The following COMMD1 variants were observed in gnomAD, a reference collection of about 807,000 sequenced individuals.
The protein encoded by COMMD1 is COMM domain-containing protein 1.
Under a neutral mutation model 17.2 loss-of-function variants are expected in COMMD1, and 10 were observed. That is an observed-to-expected ratio of 0.58 (90% CI 0.36 to 0.99). COMMD1 has a LOEUF of 0.99. Ranked by LOEUF, COMMD1 falls within the 50% of genes least tolerant of loss-of-function variation. The pLI is 0.01. For missense variants in COMMD1, 270 were observed against 231.8 expected (o/e 1.17, Z -1.07); for synonymous variants, 97 against 91.6 (o/e 1.06, Z -0.34).
chr2:62,000,898 T>C lies in COMMD1; in HGVS notation c.378T>C (p.Val126=). Residue 126 remains valine, a synonymous_variant, in exon 2 of 3, where the codon GTT becomes GTC. Coordinates refer to ENST00000311832, the MANE Select transcript of COMMD1 (RefSeq NM_152516.4). ...GGCTTCGGGGCCTGAGCTGGAGAGT[T>C]GATGGCAAGTCTCAGTCAAGGCACT... ...NSGLRGLSWR[V]DGKSQSRHSA... 1 of 1,614,156 alleles carries C rather than the reference T, an allele frequency of 6.2e-7. No homozygotes were observed. The highest frequency in any genetic ancestry group is 8.5e-7 in the Non-Finnish European group (1 of 1,180,010).
At chr2:62,071,473 C>A (rs549650421) in intron 2 of COMMD1, among the ~76,000 whole-genome samples, 1 of 152,106 alleles carries the variant, frequency 6.6e-6, no homozygotes, top group Non-Finnish European at 1.5e-5. Context: ...ACTAACAATG[C>A]CTTAACTTCC....
At chr2:61,940,292 G>A (rs1344164846) in intron 1 of COMMD1, among the ~76,000 whole-genome samples, 1 of 152,092 alleles carries the variant, frequency 6.6e-6, no homozygotes, top group Non-Finnish European at 1.5e-5. Context: ...CAGTTTTATA[G>A]TACTAGATAG....
At chr2:61,984,563 G>T (rs1672051695) in intron 1 of COMMD1, among the ~76,000 whole-genome samples, 1 of 152,154 alleles carries the variant, frequency 6.6e-6, no homozygotes, top group Non-Finnish European at 1.5e-5. Flanking sequence ...TTTAGACTTG[G>T]CTTGTAGCCT....
chr2:61,893,032 T>G (rs1380655000), intron 1 of COMMD1, among the ~76,000 whole-genome samples: 1 of 151,862 alleles, frequency 6.6e-6, no homozygotes, highest in Non-Finnish European at 1.5e-5. Flanking sequence ...CGTGGTCGGC[T>G]AATTTTGTAT....
chr2:62,065,312 C>T (rs148730617), intron 2 of COMMD1, among the ~76,000 whole-genome samples: 28 of 143,056 alleles, frequency 2.0e-4, no homozygotes, highest in African/African-American at 6.4e-4. Flanking sequence ...CAGTAAAGTA[C>T]AATAGTGACA....
At chr2:62,084,046 G>T (rs190820202) in intron 2 of COMMD1, among the ~76,000 whole-genome samples, 14 of 152,230 alleles carry the variant, frequency 9.2e-5, no homozygotes, top group African/African-American at 3.4e-4. Flanking sequence ...TAAAACTCTG[G>T]TTCCTGGGTT....
At chr2:61,972,122 AAAAC>A (rs1671666480) in intron 1 of COMMD1, among the ~76,000 whole-genome samples, 1 of 152,288 alleles carries the variant, frequency 6.6e-6, no homozygotes, top group East Asian at 1.9e-4. Context: ...TCTGTTTAAA[AAAAC>A]AAACAAAAAA....
rs538992773 is a variant in COMMD1 at position 62,094,507 on chromosome 2, A to C, written c.463-41324A>C. ...TTGTCGTTGTTGTTTTACAAAAGGA[A>C]ATTTATTTCAAAAGCATGAGGGGAC... is the stretch of plus-strand genomic sequence containing the variant. On this transcript the variant is annotated intron_variant, in intron 2 of 2. Transcript: ENST00000311832. 1.8e-3 allele frequency among the ~76,000 whole-genome samples: 281 copies of C among 152,332 alleles called. 1 individual carries two copies. Among genetic ancestry groups the C allele is most frequent in the African/African-American group, 6.4e-3 (266 of 41,576 alleles).
chr2:61,908,358 C>T (rs1374376126), intron 1 of COMMD1, among the ~76,000 whole-genome samples: 1 of 151,702 alleles, frequency 6.6e-6, no homozygotes, highest in Admixed American at 6.6e-5. Context: ...TCCCGAGTAG[C>T]TGGGACTGCA....
Position 61,905,718 on chromosome 2 carries a change from G to A in COMMD1, c.40G>A (p.Gly14Arg), listed in dbSNP as rs905389919. 1 of 1,606,050 alleles carries A rather than the reference G, an allele frequency of 6.2e-7. No homozygotes were observed. The highest frequency in any genetic ancestry group is 1.7e-5 in the Admixed American group (1 of 58,888). ...GELEGGKPLS[G>R]LLNALAQDTF... ...GCTTGAGGGTGGCAAACCCCTGAGCGGGCTGCTGAATGCGCTGGCCCAGGA... is the reference window on the plus strand; with the variant it reads ...GCTTGAGGGTGGCAAACCCCTGAGCAGGCTGCTGAATGCGCTGGCCCAGGA... Residue 14 changes from glycine to arginine, a missense_variant, in exon 1 of 3, where the codon GGG becomes AGG. Transcript: ENST00000311832.
At chr2:61,898,509 C>T (rs1024115815) in intron 1 of COMMD1, among the ~76,000 whole-genome samples, 12 of 152,006 alleles carry the variant, frequency 7.9e-5, no homozygotes, top group African/African-American at 2.4e-4. Context: ...GCCAGTTGAG[C>T]GAAGGGTGAA....
At chr2:62,016,602 A>G (rs375523220) in intron 2 of COMMD1, among the ~76,000 whole-genome samples, 5 of 150,936 alleles carry the variant, frequency 3.3e-5, no homozygotes, top group Non-Finnish European at 5.9e-5. Context: ...GTTTTTTTAA[A>G]TGTATTCAGG....
At chr2:61,943,606 A>G (rs1253626933) in intron 1 of COMMD1, among the ~76,000 whole-genome samples, 1 of 152,154 alleles carries the variant, frequency 6.6e-6, no homozygotes, top group African/African-American at 2.4e-5. Flanking sequence ...AGGCTGAGGC[A>G]GGTGGATCAC....
rs1393298930 is a variant in COMMD1, at chr2:61,963,159, C to CA, written c.181-37531dup. ...TGGGTGACAGAGTGAGACCCTGTCT[C>CA]AAAAAAAAAAATATATATATATATA... is the stretch of plus-strand genomic sequence containing the variant. On this transcript the variant is annotated intron_variant, in intron 1 of 2. Coordinates refer to ENST00000311832, the MANE Select transcript of COMMD1 (RefSeq NM_152516.4). Among the ~76,000 whole-genome samples, 1,175 of 119,556 alleles carry CA rather than the reference C, an allele frequency of 9.8e-3. 12 individuals are homozygous for CA. Among genetic ancestry groups the CA allele is most frequent in the Middle Eastern group, 0.021 (5 of 236 alleles). The allele number at this position is 119,556 out of a possible 152,430, so 78.4% of individuals were successfully genotyped here. A position where few individuals can be genotyped will look rare whatever the true frequency, so the allele number is the denominator to read the frequency against.
chr2:62,067,225 CAA>C (rs528706499), intron 2 of COMMD1, among the ~76,000 whole-genome samples: 2 of 113,514 alleles, frequency 1.8e-5, no homozygotes, highest in African/African-American at 6.2e-5. Context: ...AACTCCATCT[CAA>C]AAAAAAAAAG....
chr2:62,130,036 G>A (rs1357480298), intron 2 of COMMD1, among the ~76,000 whole-genome samples: 2 of 151,934 alleles, frequency 1.3e-5, no homozygotes, highest in African/African-American at 2.4e-5. Context: ...TTAGCCGGGC[G>A]TGGTGGTGGG....
chr2:62,104,717 T>G (rs1672280224), intron 2 of COMMD1, among the ~76,000 whole-genome samples: 1 of 151,452 alleles, frequency 6.6e-6, no homozygotes, highest in Non-Finnish European at 1.5e-5. Context: ...CACCAGCCAG[T>G]AAGTCATCAT....
chr2:62,086,695 G>C (rs951198085), intron 2 of COMMD1, among the ~76,000 whole-genome samples: 1 of 152,056 alleles, frequency 6.6e-6, no homozygotes, highest in African/African-American at 2.4e-5. Context: ...TCCTCAATGT[G>C]AATAGTGCTT....
chr2:62,126,892 G>A (rs1303959307), intron 2 of COMMD1, among the ~76,000 whole-genome samples: 1 of 152,144 alleles, frequency 6.6e-6, no homozygotes, highest in Non-Finnish European at 1.5e-5. Context: ...AAGCAGGCAA[G>A]AGAAAGAAAT....
Sources: allele counts gnomAD v4.1 joint callset (sites outside exome capture counted in the v4.1 genomes callset), GRCh38; gene constraint gnomAD v4.1.1; transcripts MANE v1.5; gene names NCBI Gene and HGNC (gene_info 2026-07-23, HGNC 2026-07-21).